Variants in RGPD3 observed in about 807,000 individuals in gnomAD.
The protein encoded by RGPD3 is ranBP2-like and GRIP domain-containing protein 3.
A neutral mutation model predicts 154.5 loss-of-function variants in RGPD3; 62 were observed. The ratio of observed to expected loss-of-function variants is 0.40; its 90% CI spans 0.33 to 0.50. RGPD3 has a LOEUF of 0.50. Ranked by LOEUF, RGPD3 falls within the 20% of genes least tolerant of loss-of-function variation. The pLI is 0.59. For missense variants in RGPD3, 919 were observed against 1,716.8 expected (o/e 0.54, Z 8.21); for synonymous variants, 308 against 607.0 (o/e 0.51, Z 7.24).
At chr2:106,415,495 G>A (rs189746850) in intron 21 of RGPD3, among the ~76,000 whole-genome samples, 1 of 151,882 alleles carries the variant, frequency 6.6e-6, no homozygotes, top group Non-Finnish European at 1.5e-5. Flanking sequence ...GGATAACATG[G>A]TAAACCCTGT....
intron 1 of RGPD3, among the ~76,000 whole-genome samples, chr2:106,464,297 C>T (rs1189783377): frequency 1.0e-4 from 15 of 146,634 alleles, no homozygotes; most frequent in Non-Finnish European, 1.5e-4. Flanking sequence ...GCCGAGATCG[C>T]GCCACTGCAC....
chr2:106,468,096 G>A (rs1228399049), intron 1 of RGPD3, 121 bp downstream of exon 1: 7 of 1,316,286 alleles, frequency 5.3e-6, no homozygotes, highest in Non-Finnish European at 7.1e-6. Flanking sequence ...TCCACAGAGC[G>A]CGCCAGGGAG....
intron 20 of RGPD3, among the ~76,000 whole-genome samples, chr2:106,421,036 T>C (rs1676968618): frequency 6.6e-6 from 1 of 152,282 alleles, no homozygotes; most frequent in Admixed American, 6.5e-5. Flanking sequence ...GTTAAATTTG[T>C]CCCTCTCCTT....
chr2:106,441,092 A>G (rs1156662115), intron 8 of RGPD3, among the ~76,000 whole-genome samples: 1 of 148,700 alleles, frequency 6.7e-6, no homozygotes, highest in African/African-American at 2.5e-5. Context: ...CATAGGAACA[A>G]ACAATATCAA....
rs1202806191 is a variant in RGPD3 at position 106,428,694 on chromosome 2, AG to A, written c.2605+951del. ...TTTCCTGGGCTAAAAAGAGAGAGAG[AG>A]AAAAAAAAGGGCACTACTACTACCA... On this transcript the variant is annotated intron_variant, in intron 18 of 22. Coordinates refer to ENST00000409886, the MANE Select transcript of RGPD3 (RefSeq NM_001144013.2). Among the ~76,000 whole-genome samples the A allele has an allele frequency of 3.3e-5, 5 of 151,638 alleles. No individual in the cohort carries two copies. In the East Asian group the frequency reaches 9.7e-4, roughly 29 times the overall value.
chr2:106,409,900 A>G lies in RGPD3; in HGVS notation c.5266+3184T>C, dbSNP rs1291905063. On this transcript the variant is annotated intron_variant, in intron 22 of 22. Transcript: ENST00000409886. Reference sequence around the variant, plus strand: ...TTTTTTTTTTTTTTTTTGAGATAAGAGTTTTGATCTTGTTGCTCAGGCTGG... The same window carrying G: ...TTTTTTTTTTTTTTTTTGAGATAAGGGTTTTGATCTTGTTGCTCAGGCTGG... Among the ~76,000 whole-genome samples, 46 of 124,676 alleles carry G rather than the reference A, an allele frequency of 3.7e-4. 1 individual carries two copies. The highest frequency in any genetic ancestry group is 5.1e-3 in the Middle Eastern group (1 of 196). The allele number at this position is 124,676 out of a possible 152,430, so 81.8% of individuals were successfully genotyped here.
At chr2:106,462,964 TAA>T (rs1312084980) in intron 1 of RGPD3, among the ~76,000 whole-genome samples, 1 of 146,214 alleles carries the variant, frequency 6.8e-6, no homozygotes, top group Non-Finnish European at 1.5e-5. Flanking sequence ...AAGAGGAGAA[TAA>T]GAGAAAAATT....
Position 106,424,689 on chromosome 2 carries a change from T to A in RGPD3, c.3278A>T (p.Asn1093Ile), listed in dbSNP as rs372584133. 6 of 1,612,012 alleles carry A rather than the reference T, an allele frequency of 3.7e-6. No homozygotes were observed. Among genetic ancestry groups the A allele is most frequent in the South Asian group, 1.1e-5 (1 of 90,984 alleles). Residue 1093 changes from asparagine (N) to isoleucine (I), a missense_variant, in exon 20 of 23, where the codon AAT becomes ATT. Asn to Ile is a moderately radical substitution (Grantham distance 149, BLOSUM62 -3). Transcript: ENST00000409886. ...GNLKILKNEV[N>I]GKVRMLMQRE... is the part of the protein sequence containing the mutation. Reference sequence around the variant, plus strand: ...TTGCATCAGCATTCTTACTTTGCCATTGACCTCGTTTTTGAGAATTTTTAA... The same window carrying A: ...TTGCATCAGCATTCTTACTTTGCCAATGACCTCGTTTTTGAGAATTTTTAA...
chr2:106,423,761 T>A lies in RGPD3; in HGVS notation c.4206A>T (p.Val1402=), dbSNP rs777027141. The change falls in exon 20 of 23, where the codon GTA becomes GTT. Residue 1402 remains valine (V), a synonymous_variant. Transcript: ENST00000409886. ...HVRILMRRDQ[V]LKLCANHRIT... The stretch of plus-strand genomic sequence containing the variant: ...TTCTGTGATTGGCACAAAGTTTTAA[T>A]ACTTGGTCCCTTCTCATCAGTATAC... The A allele has an allele frequency of 6.2e-7, 1 of 1,611,950 alleles. No individual in the cohort carries two copies. The highest frequency in any genetic ancestry group is 8.5e-7 in the Non-Finnish European group (1 of 1,179,848).
intron 20 of RGPD3, among the ~76,000 whole-genome samples, chr2:106,420,469 C>A (rs1164798474): frequency 6.6e-6 from 1 of 151,944 alleles, no homozygotes; most frequent in Non-Finnish European, 1.5e-5. Context: ...CAACTGGTGA[C>A]AGGGAAACAT....
At chr2:106,413,982 A>G (rs1558833991) in intron 21 of RGPD3, among the ~76,000 whole-genome samples, 2 of 152,188 alleles carry the variant, frequency 1.3e-5, no homozygotes, top group Admixed American at 1.3e-4. Context: ...GAACATCGGC[A>G]GCCTCCACTA....
intron 22 of RGPD3, among the ~76,000 whole-genome samples, chr2:106,407,009 G>A (rs983440399): frequency 4.6e-5 from 7 of 150,944 alleles, no homozygotes; most frequent in Non-Finnish European, 8.8e-5. Context: ...AGTTTCTGTG[G>A]GTCAGGAGAT....
chr2:106,450,193 G>C (rs4012446), intron 6 of RGPD3, among the ~76,000 whole-genome samples: 54,745 of 90,540 alleles, frequency 0.6, 16,826 homozygotes, highest in East Asian at 0.99. Flanking sequence ...TCCTGGCTAA[G>C]AAGGTGACAC....
intron 7 of RGPD3, among the ~76,000 whole-genome samples, chr2:106,445,196 G>A (rs1677872865): frequency 7.2e-6 from 1 of 139,418 alleles, no homozygotes; most frequent in Non-Finnish European, 1.6e-5. Context: ...GGCTGAGGCA[G>A]GAGAATGGCG....
At chr2:106,417,771 G>A (rs1411548713) in intron 20 of RGPD3, among the ~76,000 whole-genome samples, 1 of 151,336 alleles carries the variant, frequency 6.6e-6, no homozygotes, top group African/African-American at 2.5e-5. Context: ...GATAAGAGTA[G>A]AGGAATTAAG....
At position 106,416,641 on chromosome 2, in the gene RGPD3, C is replaced by A. The variant is rs1415139801; in HGVS notation, c.4925-652G>T. Among the ~76,000 whole-genome samples, 2 of 47,072 alleles carry A rather than the reference C, an allele frequency of 4.2e-5. 1 individual carries two copies. Among genetic ancestry groups the A allele is most frequent in the Non-Finnish European group, 8.1e-5 (2 of 24,712 alleles). The allele number at this position is 47,072 out of a possible 152,430, so 30.9% of individuals were successfully genotyped here. A position where few individuals can be genotyped will look rare whatever the true frequency, so the allele number is the denominator to read the frequency against. On this transcript the variant is annotated intron_variant, in intron 20 of 22. Transcript: ENST00000409886. ...GAAGTTTCAGGAAGATGACAGATTT[C>A]CCCCTAAATTTTGAACAGTAATATT...
chr2:106,468,091 A>T, intron 1 of RGPD3, 126 bp downstream of exon 1: 1 of 1,259,852 alleles, frequency 7.9e-7, no homozygotes, highest in Non-Finnish European at 1.0e-6. Flanking sequence ...CCGCCTCCAC[A>T]GAGCGCGCCA....
rs1447162536 is a variant in RGPD3, at chr2:106,450,693, G to A, written c.782+1512C>T. ...TGTACTCCAGGCTGGGTGACAGAGC[G>A]AGACTCTGTCTCAAAAAAAAAAAAA... On this transcript the variant is annotated intron_variant, in intron 6 of 22. Coordinates refer to ENST00000409886, the MANE Select transcript of RGPD3 (RefSeq NM_001144013.2). 7.4e-5 allele frequency among the ~76,000 whole-genome samples: 5 copies of A among 67,292 alleles called. 1 individual carries two copies. Among genetic ancestry groups the A allele is most frequent in the South Asian group, 9.3e-4 (1 of 1,078 alleles). The allele number at this position is 67,292 out of a possible 152,430, so 44.1% of individuals were successfully genotyped here. A position where few individuals can be genotyped will look rare whatever the true frequency, so the allele number is the denominator to read the frequency against.
upstream of RGPD3, among the ~76,000 whole-genome samples, chr2:106,469,975 G>A (rs926010908): frequency 1.4e-4 from 21 of 152,212 alleles, no homozygotes; most frequent in South Asian, 6.2e-4. Context: ...CTCCCTTTAA[G>A]AGCACATTGG....
Sources: allele counts gnomAD v4.1 joint callset (sites outside exome capture counted in the v4.1 genomes callset), GRCh38; gene constraint gnomAD v4.1.1; transcripts MANE v1.5; gene names NCBI Gene and HGNC (gene_info 2026-07-23, HGNC 2026-07-21).